Variants in JAZF1 observed in about 807,000 individuals in gnomAD.
The protein encoded by JAZF1 is JAZF zinc finger 1.
A neutral mutation model predicts 26.4 loss-of-function variants in JAZF1; 8 were observed. The ratio of observed to expected loss-of-function variants is 0.30; its 90% confidence interval spans 0.18 to 0.55. JAZF1 has a LOEUF of 0.55. Among genes scored for constraint, JAZF1 ranks in the 20% least tolerant of loss-of-function variants. JAZF1 has a pLI of 0.94. For missense variants in JAZF1, 199 were observed against 322.0 expected, an observed-to-expected ratio of 0.62 and a Z score of 2.92; for synonymous variants, 126 against 122.3, an observed-to-expected ratio of 1.03 and a Z score of -0.20.
intron 2 of JAZF1, among the ~76,000 whole-genome samples, chr7:27,923,506 C>T (rs1784566119): frequency 6.6e-6 from 1 of 152,226 alleles, no homozygotes; most frequent in South Asian, 2.1e-4. Flanking sequence ...CAGCCTCCTT[C>T]ATCCGGCTTA....
intron 1 of JAZF1, among the ~76,000 whole-genome samples, chr7:28,082,116 T>C (rs1395464584): frequency 6.6e-6 from 1 of 152,184 alleles, no homozygotes; most frequent in East Asian, 1.9e-4. Flanking sequence ...TGAGAAAGTA[T>C]CTGGAGACTT....
rs139927917 is a variant in JAZF1, at chr7:27,877,647, C to A, written c.385+17573G>T. Among the ~76,000 whole-genome samples, 530 of 152,274 alleles carry A rather than the reference C, an allele frequency of 3.5e-3. 4 individuals are homozygous for A. Among genetic ancestry groups the A allele is most frequent in the African/African-American group, 0.012 (485 of 41,552 alleles). The stretch of plus-strand genomic sequence containing the variant: ...GTGCAGGGATGTCAGCCTGTGCTCC[C>A]GAGTCTCATATCCAAATGCAAAACC... On this transcript the variant is annotated intron_variant, in intron 3 of 4. Transcript: ENST00000283928.
chr7:28,082,536 T>G (rs1227698307), intron 1 of JAZF1, among the ~76,000 whole-genome samples: 1 of 152,128 alleles, frequency 6.6e-6, no homozygotes, highest in Non-Finnish European at 1.5e-5. Flanking sequence ...GGCTCTCAAA[T>G]CTCTTCCTCC....
rs1488640807 is a variant in JAZF1 at position 28,151,801 on chromosome 7, AC to A, written c.115+28661del. On this transcript the variant is annotated intron_variant, in intron 1 of 4. Coordinates refer to ENST00000283928, the MANE Select transcript of JAZF1 (RefSeq NM_175061.4). ...AGTGAAATTCCATCTCAAAAAAAAA[AC>A]ACAGAGGATAAAATCTTTTAATTTT... Among the ~76,000 whole-genome samples the A allele has an allele frequency of 3.6e-3, 551 of 152,094 alleles. 2 individuals are homozygous for A. The highest frequency in any genetic ancestry group is 6.0e-3 in the Admixed American group (92 of 15,290).
At chr7:27,854,234 T>C (rs1360451109) in intron 3 of JAZF1, among the ~76,000 whole-genome samples, 1 of 152,236 alleles carries the variant, frequency 6.6e-6, no homozygotes, top group Non-Finnish European at 1.5e-5. Flanking sequence ...TAAATATTCT[T>C]CCATCCCTTT....
chr7:27,854,066 C>T (rs1251566908), intron 3 of JAZF1, among the ~76,000 whole-genome samples: 2 of 152,082 alleles, frequency 1.3e-5, no homozygotes, highest in African/African-American at 2.4e-5. Flanking sequence ...GTTTTGGGTG[C>T]GTATATATTT....
chr7:27,939,155 T>C (rs1784804870), intron 2 of JAZF1, among the ~76,000 whole-genome samples: 1 of 152,208 alleles, frequency 6.6e-6, no homozygotes, highest in African/African-American at 2.4e-5. Flanking sequence ...ACCTTCCTGC[T>C]TCAAAATGAT....
intron 1 of JAZF1, among the ~76,000 whole-genome samples, chr7:28,010,803 A>G (rs182276654): frequency 6.6e-6 from 1 of 152,394 alleles, no homozygotes; most frequent in East Asian, 1.9e-4. Flanking sequence ...GAATAAATGA[A>G]TGAAAGGTAA....
At chr7:28,151,074 T>A (rs1783104647) in intron 1 of JAZF1, among the ~76,000 whole-genome samples, 1 of 150,092 alleles carries the variant, frequency 6.7e-6, no homozygotes, top group South Asian at 2.1e-4. Context: ...CAGCAGTAGC[T>A]CTTGGGAGGG....
At chr7:28,135,370 AT>A (rs1199009720) in intron 1 of JAZF1, among the ~76,000 whole-genome samples, 5 of 152,314 alleles carry the variant, frequency 3.3e-5, no homozygotes, top group Non-Finnish European at 7.3e-5. Flanking sequence ...CACTAAATAT[AT>A]TGTTTAATAT....
At chr7:28,087,261 A>C (rs1257591755) in intron 1 of JAZF1, among the ~76,000 whole-genome samples, 4 of 152,280 alleles carry the variant, frequency 2.6e-5, no homozygotes, top group African/African-American at 9.6e-5. Context: ...ACTTGATTTC[A>C]AGAATACATC....
chr7:27,899,878 C>T (rs1387653694), intron 2 of JAZF1, among the ~76,000 whole-genome samples: 2 of 152,134 alleles, frequency 1.3e-5, no homozygotes, highest in Non-Finnish European at 2.9e-5. Context: ...CCAGTCAAGC[C>T]TGGGGATGCT....
At chr7:28,099,311 A>C (rs745959774) in intron 1 of JAZF1, among the ~76,000 whole-genome samples, 1 of 151,852 alleles carries the variant, frequency 6.6e-6, no homozygotes, top group Non-Finnish European at 1.5e-5. Flanking sequence ...AAAAAATTCT[A>C]TGAAATTTTC....
chr7:28,101,326 T>C (rs760543395), intron 1 of JAZF1, among the ~76,000 whole-genome samples: 3 of 152,306 alleles, frequency 2.0e-5, no homozygotes, highest in Non-Finnish European at 2.9e-5. Context: ...CACACAGTTA[T>C]ACAACGTGTT....
chr7:27,833,758 C>T (rs916375175), intron 4 of JAZF1, among the ~76,000 whole-genome samples: 2 of 152,130 alleles, frequency 1.3e-5, no homozygotes, highest in South Asian at 2.1e-4. Flanking sequence ...TTCTGTTTGT[C>T]GGTTTTGCTA....
At chr7:27,894,429 TA>T (rs1784024639) in intron 3 of JAZF1, among the ~76,000 whole-genome samples, 1 of 152,224 alleles carries the variant, frequency 6.6e-6, no homozygotes, top group South Asian at 2.1e-4. Context: ...TATTATAGGC[TA>T]ATCCTAATGT....
chr7:28,008,360 C>T (rs995463393), intron 1 of JAZF1, among the ~76,000 whole-genome samples: 6 of 152,006 alleles, frequency 3.9e-5, no homozygotes, highest in South Asian at 2.1e-4. Flanking sequence ...GGACTACAGG[C>T]GTGCACCACT....
chr7:28,116,380 G>A (rs1784741715), intron 1 of JAZF1, among the ~76,000 whole-genome samples: 1 of 152,194 alleles, frequency 6.6e-6, no homozygotes, highest in African/African-American at 2.4e-5. Context: ...GTTTAAGTTT[G>A]TGATTCTCTT....
At chr7:27,912,079 T>A (rs146851301) in intron 2 of JAZF1, among the ~76,000 whole-genome samples, 1 of 152,036 alleles carries the variant, frequency 6.6e-6, no homozygotes, top group Non-Finnish European at 1.5e-5. Flanking sequence ...TGAAAAATGT[T>A]AATAGAGGAC....
Sources: gnomAD v4.1 joint callset for allele counts (sites outside exome capture counted in the v4.1 genomes callset) on GRCh38, gnomAD v4.1.1 for gene constraint, MANE v1.5 for transcripts, NCBI Gene and HGNC (gene_info 2026-07-23, HGNC 2026-07-21) for gene names.